Variants in CLEC4E observed in about 807,000 individuals in gnomAD.
CLEC4E encodes C-type (calcium dependent, carbohydrate-recognition domain) lectin, superfamily member 9.
In CLEC4E, 21 loss-of-function variants were observed where a neutral mutation model predicts 24.7. The observed-to-expected ratio is 0.85, with a 90% CI of 0.60 to 1.22. The LOEUF is 1.22. CLEC4E is among the 50% of genes most tolerant of loss of function. The probability of loss-of-function intolerance (pLI) is 0.00; values close to 1 mark genes in which losing one functional copy is unlikely to be tolerated. For missense variants in CLEC4E, 249 were observed against 254.1 expected (o/e 0.98, Z 0.14); for synonymous variants, 94 against 85.7 (o/e 1.10, Z -0.54).
intron 4 of CLEC4E, 39 bp downstream of exon 4, chr12:8,537,076 G>T (rs762256229): frequency 6.3e-7 from 1 of 1,588,796 alleles, no homozygotes; most frequent in Non-Finnish European, 8.6e-7. Context: ...GGTGGACCAT[G>T]TCGGGAATGT....
At chr12:8,538,486 CT>C (rs1565496374) in intron 3 of CLEC4E, among the ~76,000 whole-genome samples, 1 of 152,230 alleles carries the variant, frequency 6.6e-6, no homozygotes, top group Non-Finnish European at 1.5e-5. Flanking sequence ...ATGACTCACA[CT>C]CTCTACCCTG....
chr12:8,540,809 CT>C lies in CLEC4E; in HGVS notation c.-13del. On this transcript the variant is annotated 5_prime_UTR_variant, in exon 1 of 6. Transcript: ENST00000299663. ...TTAGATGAATTCATTTTTTCTCTCT[CT>C]TTGGTTTTTTGTTTCTCTCTCTCTC... The C allele has an allele frequency of 6.3e-7, 1 of 1,592,232 alleles. No homozygotes were observed. Among genetic ancestry groups the C allele is most frequent in the Non-Finnish European group, 8.6e-7 (1 of 1,164,976 alleles).
chr12:8,536,565 A>G (rs1940618179), intron 4 of CLEC4E, among the ~76,000 whole-genome samples: 1 of 152,190 alleles, frequency 6.6e-6, no homozygotes, highest in Non-Finnish European at 1.5e-5. Flanking sequence ...CTCAAAAAGT[A>G]AAAAAGAATC....
In CLEC4E at chr12:8,537,149, G is replaced by A. The variant is rs1426934614; in HGVS notation, c.338C>T (p.Ala113Val). The A allele has an allele frequency of 1.9e-6, 3 of 1,613,648 alleles. No homozygotes were observed. The highest frequency in any genetic ancestry group is 3.3e-5 in the Admixed American group (2 of 59,980). Reference protein sequence around the residue: ...LSLKNCSAMGAHLVVINSQEE... With the variant: ...LSLKNCSAMGVHLVVINSQEE... The stretch of plus-strand genomic sequence containing the variant: ...CTGTGAGTTGATAACCACCAGGTGA[G>A]CCCCCATGGCTGAGCAGTTCTTTAA... Residue 113 changes from alanine to valine, a missense_variant, in exon 4 of 6, where the codon GCT becomes GTT. Coordinates refer to ENST00000299663, the MANE Select transcript of CLEC4E (RefSeq NM_014358.4).
intron 4 of CLEC4E, 38 bp from the exon 5 acceptor site, chr12:8,536,243 T>C (rs1368313872): frequency 1.7e-6 from 2 of 1,181,770 alleles, no homozygotes; most frequent in East Asian, 2.4e-5. Context: ...TCAGTTATTT[T>C]AGTTTTGAAT....
chr12:8,540,763 G>A lies in CLEC4E; in HGVS notation c.35C>T (p.Thr12Ile). The A allele has an allele frequency of 6.2e-7, 1 of 1,609,662 alleles. No homozygotes were observed. Among genetic ancestry groups the A allele is most frequent in the Non-Finnish European group, 8.5e-7 (1 of 1,176,368 alleles). ...NSSKSSETQC[T>I]ERGCFSSQMF... is the part of the protein sequence containing the mutation. ...AAAGGAAGAGTTGCAGATTTTACCT[G>A]TGCATTGTGTTTCAGATGATTTAGA... Residue 12 changes from threonine to isoleucine, a missense_variant and splice_region_variant, in exon 1 of 6, where the codon ACA becomes ATA. Coordinates refer to ENST00000299663, the MANE Select transcript of CLEC4E (RefSeq NM_014358.4).
intron 3 of CLEC4E, among the ~76,000 whole-genome samples, chr12:8,538,445 G>T (rs766450402): frequency 1.3e-5 from 2 of 152,158 alleles, no homozygotes; most frequent in South Asian, 2.1e-4. Flanking sequence ...CAGTGGACAC[G>T]TGACCCACAT....
intron 3 of CLEC4E, among the ~76,000 whole-genome samples, chr12:8,537,673 T>C (rs990797993): frequency 6.6e-6 from 1 of 152,146 alleles, no homozygotes. Context: ...CTGTAGTATA[T>C]AGATGGGTTA....
At chr12:8,538,907 C>T in intron 3 of CLEC4E, 1 of 396,850 alleles carries the variant, frequency 2.5e-6, no homozygotes, top group Non-Finnish European at 4.4e-6. Flanking sequence ...TTCTCTACTC[C>T]ATACGTTTTT....
chr12:8,537,090 A>G, intron 4 of CLEC4E, 25 bp downstream of exon 4: 1 of 1,600,612 alleles, frequency 6.2e-7, no homozygotes, highest in South Asian at 1.1e-5. Flanking sequence ...GGAATGTTAC[A>G]TTGGCATCGG....
At chr12:8,536,017 CA>C in intron 5 of CLEC4E, 72 bp downstream of exon 5, 1 of 850,880 alleles carries the variant, frequency 1.2e-6, no homozygotes, top group East Asian at 2.6e-5. Flanking sequence ...ATACCACCAC[CA>C]ATAATGGACC....
chr12:8,540,002 A>G, intron 1 of CLEC4E, 55 bp from the exon 2 acceptor site: 1 of 1,050,372 alleles, frequency 9.5e-7, no homozygotes, highest in Non-Finnish European at 1.5e-6. Flanking sequence ...GGTACAAAAG[A>G]GATAGAAGAG....
chr12:8,540,894 G>A lies in CLEC4E; in HGVS notation c.-97C>T. On this transcript the variant is annotated 5_prime_UTR_variant, in exon 1 of 6. Transcript: ENST00000299663. ...AGGAGTGTTTTGTTGGTAAGATTCA[G>A]GGAGAATGAATCTTGAAAGATAAAC... 1 of 826,842 alleles carries A rather than the reference G, an allele frequency of 1.2e-6. No individual in the cohort carries two copies. Among genetic ancestry groups the A allele is most frequent in the African/African-American group, 1.7e-5 (1 of 59,442 alleles). 51.2% of individuals were successfully genotyped at this position (826,842 alleles called of 1,614,324 possible). A position where few individuals can be genotyped will look rare whatever the true frequency, so the allele number is the denominator to read the frequency against.
chr12:8,536,377 G>A (rs1478959351), intron 4 of CLEC4E, among the ~76,000 whole-genome samples, 172 bp from the exon 5 acceptor site: 3 of 152,108 alleles, frequency 2.0e-5, no homozygotes, highest in Non-Finnish European at 4.4e-5. Context: ...CCAACATGGC[G>A]AAACCCTGTC....
intron 2 of CLEC4E, 137 bp from the exon 3 acceptor site, chr12:8,539,443 G>A: frequency 1.5e-6 from 1 of 646,180 alleles, no homozygotes; most frequent in East Asian, 2.6e-5. Context: ...ACGACCCAGA[G>A]AAAATAGATA....
At chr12:8,536,961 G>C (rs921760576) in intron 4 of CLEC4E, among the ~76,000 whole-genome samples, 154 bp downstream of exon 4, 1 of 152,136 alleles carries the variant, frequency 6.6e-6, no homozygotes, top group African/African-American at 2.4e-5. Flanking sequence ...AATAAATTAA[G>C]GTAGGCAGTG....
At chr12:8,540,457 T>A (rs1301486563) in intron 1 of CLEC4E, among the ~76,000 whole-genome samples, 1 of 150,688 alleles carries the variant, frequency 6.6e-6, no homozygotes, top group East Asian at 1.9e-4. Flanking sequence ...CATCTAATAG[T>A]TCCTCTCTTC....
rs572393547 is a variant in CLEC4E at position 8,539,231 on chromosome 12, T to A, written c.206A>T (p.Tyr69Phe). ...LPENFTELSC[Y>F]NYGSGSVKNC... ...GACTATTATACCTGATCCATAATTG[T>A]AGCAGGAGAGCTCTGTGAAATTCTC... The change falls in exon 3 of 6, where the codon TAC (tyrosine) becomes TTC (phenylalanine). Residue 69 changes from tyrosine (Y) to phenylalanine (F), a missense_variant. Physicochemically the swap from Tyr to Phe is conservative, Grantham distance 22. Transcript: ENST00000299663. 6.2e-7 allele frequency: 1 copy of A among 1,609,258 alleles called. No homozygotes were observed. Among genetic ancestry groups the A allele is most frequent in the East Asian group, 2.2e-5 (1 of 44,832 alleles).
At position 8,540,890 on chromosome 12, in the gene CLEC4E, T is replaced by C. The variant is rs1940692713; in HGVS notation, c.-93A>G. On this transcript the variant is annotated 5_prime_UTR_variant, in exon 1 of 6. Transcript: ENST00000299663. The stretch of plus-strand genomic sequence containing the variant: ...CCTCAGGAGTGTTTTGTTGGTAAGA[T>C]TCAGGGAGAATGAATCTTGAAAGAT... The C allele has an allele frequency of 3.5e-6, 3 of 848,500 alleles. No individual in the cohort carries two copies. Among genetic ancestry groups the C allele is most frequent in the South Asian group, 2.7e-5 (2 of 74,002 alleles). 52.6% of individuals were successfully genotyped at this position (848,500 alleles called of 1,614,324 possible). A position where few individuals can be genotyped will look rare whatever the true frequency, so the allele number is the denominator to read the frequency against.
Sources: allele counts gnomAD v4.1 joint callset (sites outside exome capture counted in the v4.1 genomes callset), GRCh38; gene constraint gnomAD v4.1.1; transcripts MANE v1.5; gene names NCBI Gene and HGNC (gene_info 2026-07-23, HGNC 2026-07-21).